The following PCBP3 variants were observed in gnomAD, a reference collection of about 807,000 sequenced individuals.
The protein encoded by PCBP3 is poly(rC)-binding protein 3.
Under a neutral mutation model 52.7 loss-of-function variants are expected in PCBP3, and 25 were observed. The observed-to-expected ratio is 0.47, with a 90% CI of 0.35 to 0.66. The LOEUF (loss-of-function observed/expected upper bound fraction) is 0.66, where lower values mean the gene tolerates loss of function less well. Among genes scored for constraint, PCBP3 ranks in the 30% least tolerant of loss-of-function variants. PCBP3 has a pLI of 0.01. For synonymous variants in PCBP3, 162 were observed against 183.0 expected (o/e 0.89, Z 0.93); for missense variants, 391 against 490.3 (o/e 0.80, Z 1.91).
At chr21:45,809,462 G>A (rs548705984) in intron 4 of PCBP3, among the ~76,000 whole-genome samples, 41 of 152,336 alleles carry the variant, frequency 2.7e-4, no homozygotes, top group African/African-American at 9.6e-4. Context: ...GTGCGAGCAA[G>A]AGGAGGAAGG....
intron 5 of PCBP3, among the ~76,000 whole-genome samples, chr21:45,866,890 A>G (rs1028107756): frequency 6.6e-6 from 1 of 152,154 alleles, no homozygotes; most frequent in Non-Finnish European, 1.5e-5. Context: ...GACAGTCGTC[A>G]GAAGGACACA....
At chr21:45,831,584 T>G (rs1205754501) in intron 4 of PCBP3, among the ~76,000 whole-genome samples, 1 of 152,162 alleles carries the variant, frequency 6.6e-6, no homozygotes, top group African/African-American at 2.4e-5. Flanking sequence ...CTGTATTCCA[T>G]ACACTGGAAA....
Position 45,913,912 on chromosome 21 carries a change from C to T in PCBP3, c.601-39C>T, listed in dbSNP as rs1162459292. On this transcript the variant is annotated intron_variant, in intron 11 of 17. Coordinates refer to ENST00000681687, the MANE Select transcript of PCBP3 (RefSeq NM_001384156.1). Reference sequence around the variant, plus strand: ...TCCCCATTGCCAGGCTGCGAAGCTGCTCTAACGCTCTCTCTCCCTCTCCTG... The same window carrying T: ...TCCCCATTGCCAGGCTGCGAAGCTGTTCTAACGCTCTCTCTCCCTCTCCTG... 6 of 1,580,132 alleles carry T rather than the reference C, an allele frequency of 3.8e-6. No homozygotes were observed. The South Asian group carries it at 4.6e-5, about 12-fold the overall frequency.
chr21:45,855,534 C>CAG (rs1279529435), intron 5 of PCBP3, among the ~76,000 whole-genome samples: 1 of 152,252 alleles, frequency 6.6e-6, no homozygotes, highest in African/African-American at 2.4e-5. Flanking sequence ...GAACCACATA[C>CAG]AGAGCCCCTT....
intron 2 of PCBP3, among the ~76,000 whole-genome samples, chr21:45,685,980 A>G (rs184984255): frequency 1.3e-3 from 183 of 145,672 alleles, no homozygotes; most frequent in African/African-American, 4.6e-3. Context: ...GTGCAGTGGC[A>G]CAATCTTGGC....
intron 11 of PCBP3, among the ~76,000 whole-genome samples, 195 bp from the exon 12 acceptor site, chr21:45,913,756 A>G (rs372494570): frequency 5.3e-5 from 8 of 152,274 alleles, no homozygotes; most frequent in African/African-American, 1.7e-4. Flanking sequence ...ACAGGCCATA[A>G]GACAGCCACA....
In PCBP3 at chr21:45,849,968, G is replaced by A; in HGVS notation, c.-118G>A. The stretch of plus-strand genomic sequence containing the variant: ...TGTGTTTTTGTGTTTTAGGTCGGTA[G>A]GCTCCACGACAAAAGTCAACCCTTC... On this transcript the variant is annotated 5_prime_UTR_variant, in exon 5 of 18. Coordinates refer to ENST00000681687, the MANE Select transcript of PCBP3 (RefSeq NM_001384156.1). 1.0e-6 allele frequency: 1 copy of A among 954,576 alleles called. No individual in the cohort carries two copies. Among genetic ancestry groups the A allele is most frequent in the Non-Finnish European group, 1.7e-6 (1 of 602,940 alleles). The allele number at this position is 954,576 out of a possible 1,614,324, so 59.1% of individuals were successfully genotyped here. A position where few individuals can be genotyped will look rare whatever the true frequency, so the allele number is the denominator to read the frequency against.
At chr21:45,759,017 C>T (rs968883360) in intron 4 of PCBP3, among the ~76,000 whole-genome samples, 15 of 151,974 alleles carry the variant, frequency 9.9e-5, no homozygotes, top group East Asian at 5.8e-4. Flanking sequence ...GATTGTTGAG[C>T]GAAGGTTTCC....
At chr21:45,842,671 T>C (rs1233573027) in intron 4 of PCBP3, among the ~76,000 whole-genome samples, 1 of 152,220 alleles carries the variant, frequency 6.6e-6, no homozygotes, top group African/African-American at 2.4e-5. Flanking sequence ...TACATCAATC[T>C]TCTGTTTCGG....
chr21:45,924,821 G>C (rs1183076645), intron 13 of PCBP3, among the ~76,000 whole-genome samples: 2 of 44,230 alleles, frequency 4.5e-5, no homozygotes, highest in East Asian at 3.3e-4. Context: ...GAGGAGATGC[G>C]AACACCGGGA....
At chr21:45,702,567 C>T (rs1007683072) in intron 2 of PCBP3, among the ~76,000 whole-genome samples, 2 of 152,106 alleles carry the variant, frequency 1.3e-5, no homozygotes, top group Non-Finnish European at 2.9e-5. Context: ...AATGTATGTG[C>T]CTTAATTTTA....
At chr21:45,689,832 C>T (rs1216100450) in intron 2 of PCBP3, among the ~76,000 whole-genome samples, 1 of 151,994 alleles carries the variant, frequency 6.6e-6, no homozygotes, top group Non-Finnish European at 1.5e-5. Flanking sequence ...GACTTGTATA[C>T]TGGAAATTTC....
At position 45,849,938 on chromosome 21, in the gene PCBP3, A is replaced by T. The variant is rs75537571; in HGVS notation, c.-125-23A>T. 6,556 of 736,380 alleles carry T rather than the reference A, an allele frequency of 8.9e-3. 44 individuals carry two copies. The highest frequency in any genetic ancestry group is 0.013 in the Non-Finnish European group (5,185 of 412,962). 45.6% of individuals were successfully genotyped at this position (736,380 alleles called of 1,614,324 possible). ...AGGCCCTGCACTGGTGCGCTCACAC[A>T]GCCCTGTGTTTTTGTGTTTTAGGTC... On this transcript the variant is annotated intron_variant, in intron 4 of 17. Coordinates refer to ENST00000681687, the MANE Select transcript of PCBP3 (RefSeq NM_001384156.1).
Position 45,763,892 on chromosome 21 carries a change from G to A in PCBP3, c.-126+8440G>A, listed in dbSNP as rs535625964. On this transcript the variant is annotated intron_variant, in intron 4 of 17. Coordinates refer to ENST00000681687, the MANE Select transcript of PCBP3 (RefSeq NM_001384156.1). ...GTGGGAACCTCTAGGTTGATCACTGGGTCATTGGATCTGCTTTTAGTTAGC... is the reference window on the plus strand; with the variant it reads ...GTGGGAACCTCTAGGTTGATCACTGAGTCATTGGATCTGCTTTTAGTTAGC... 2.0e-5 allele frequency: 3 copies of A among 152,340 alleles called. No homozygotes were observed. In the East Asian group the frequency reaches 5.8e-4, roughly 29 times the overall value. The allele number at this position is 152,340 out of a possible 1,614,324, so 9.4% of individuals were successfully genotyped here. A position where few individuals can be genotyped will look rare whatever the true frequency, so the allele number is the denominator to read the frequency against.
chr21:45,764,899 C>T (rs544984922), intron 4 of PCBP3, among the ~76,000 whole-genome samples: 1 of 152,258 alleles, frequency 6.6e-6, no homozygotes, highest in African/African-American at 2.4e-5. Context: ...AAGCTTTGCT[C>T]TTGGAAGGGG....
intron 2 of PCBP3, among the ~76,000 whole-genome samples, chr21:45,712,769 C>T (rs1042976832): frequency 1.3e-5 from 2 of 151,612 alleles, no homozygotes; most frequent in Non-Finnish European, 2.9e-5. Flanking sequence ...GTGGTGCAAT[C>T]ATGGCTCACT....
At chr21:45,905,257 C>T (rs901610620) in intron 9 of PCBP3, among the ~76,000 whole-genome samples, 11 of 152,196 alleles carry the variant, frequency 7.2e-5, no homozygotes, top group Non-Finnish European at 1.5e-4. Context: ...ACCGCATCTC[C>T]GTCTGCACTG....
chr21:45,699,721 G>A (rs1569129755), intron 2 of PCBP3, among the ~76,000 whole-genome samples: 2 of 152,296 alleles, frequency 1.3e-5, no homozygotes, highest in East Asian at 1.9e-4. Flanking sequence ...AAGAGAGCTT[G>A]TGCAGGGAAA....
chr21:45,840,929 A>G (rs1015913497), intron 4 of PCBP3, among the ~76,000 whole-genome samples: 3 of 152,178 alleles, frequency 2.0e-5, no homozygotes, highest in African/African-American at 4.8e-5. Context: ...AAAATCTCTT[A>G]TACCATATTT....
Sources: gnomAD v4.1 joint callset for allele counts (sites outside exome capture counted in the v4.1 genomes callset) on GRCh38, gnomAD v4.1.1 for gene constraint, MANE v1.5 for transcripts, NCBI Gene and HGNC (gene_info 2026-07-23, HGNC 2026-07-21) for gene names.